IPO5: variants seen among roughly 807,000 people sequenced by gnomAD.
The protein encoded by IPO5 is importin-5.
IPO5 carries 18 observed loss-of-function variants against 143.3 expected under a neutral mutation model. The observed-to-expected ratio is 0.13, with a 90% CI of 0.09 to 0.19. IPO5 has a LOEUF of 0.19. Among genes scored for constraint, IPO5 ranks in the 10% least tolerant of loss-of-function variants. IPO5 has a pLI of 1.00. For missense variants in IPO5, 1,013 were observed against 1,336.9 expected (o/e 0.76, Z 3.78); for synonymous variants, 477 against 465.7 (o/e 1.02, Z -0.31).
intron 2 of IPO5, among the ~76,000 whole-genome samples, 183 bp downstream of exon 2, chr13:97,954,381 T>C (rs1428620024): frequency 6.6e-6 from 1 of 152,238 alleles, no homozygotes; most frequent in Non-Finnish European, 1.5e-5. Context: ...CTACCCTGCT[T>C]TCCTATAGGG....
At position 98,000,748 on chromosome 13, in the gene IPO5, T is replaced by A. The variant is rs1888700097; in HGVS notation, c.1108+103T>A. ...TGTTAAAAATTAATCTTTGTCTTTTTATCATCCATATTTAACCCAATTCAT... is the reference window on the plus strand; with the variant it reads ...TGTTAAAAATTAATCTTTGTCTTTTAATCATCCATATTTAACCCAATTCAT... On this transcript the variant is annotated intron_variant, in intron 13 of 28. Transcript: ENST00000651721. 4 of 746,112 alleles carry A rather than the reference T, an allele frequency of 5.4e-6. No individual in the cohort carries two copies. In the Admixed American group the frequency reaches 6.7e-5, roughly 13 times the overall value. 46.2% of individuals were successfully genotyped at this position (746,112 alleles called of 1,614,324 possible). A position where few individuals can be genotyped will look rare whatever the true frequency, so the allele number is the denominator to read the frequency against.
intron 20 of IPO5, among the ~76,000 whole-genome samples, chr13:98,011,541 C>CT (rs1889720010): frequency 1.3e-5 from 2 of 151,828 alleles, no homozygotes; most frequent in African/African-American, 4.8e-5. Context: ...CCGTCTAACT[C>CT]TGTCAGCCAG....
chr13:97,981,909 A>T (rs1886877670), intron 4 of IPO5: 1 of 152,690 alleles, frequency 6.5e-6, no homozygotes, highest in Admixed American at 6.5e-5. Context: ...TTGCTAATAG[A>T]TCTACAAAAG....
intron 25 of IPO5, among the ~76,000 whole-genome samples, chr13:98,017,947 G>A (rs1428952426): frequency 2.6e-5 from 4 of 152,080 alleles, no homozygotes; most frequent in East Asian, 1.9e-4. Flanking sequence ...GATTACAGGC[G>A]TGAGCCACCT....
At chr13:97,965,732 CTTG>C (rs1219422224) in intron 2 of IPO5, among the ~76,000 whole-genome samples, 2 of 149,142 alleles carry the variant, frequency 1.3e-5, no homozygotes, top group Non-Finnish European at 3.0e-5. Context: ...CCTTGCTGAA[CTTG>C]TTTTGTTTGT....
At chr13:97,992,390 A>G (rs567448329) in intron 9 of IPO5, among the ~76,000 whole-genome samples, 1 of 152,212 alleles carries the variant, frequency 6.6e-6, no homozygotes, top group Non-Finnish European at 1.5e-5. Context: ...TACTATGCGT[A>G]TGAGAAAAAC....
At chr13:98,010,636 T>C (rs1346957811) in intron 20 of IPO5, among the ~76,000 whole-genome samples, 1 of 152,152 alleles carries the variant, frequency 6.6e-6, no homozygotes. Context: ...ATGATTTCAA[T>C]TGTGTAAAAA....
chr13:98,018,341 A>G, intron 25 of IPO5, 144 bp from the exon 26 acceptor site: 2 of 629,820 alleles, frequency 3.2e-6, no homozygotes, highest in South Asian at 4.2e-5. Context: ...ATCGTTGGTC[A>G]CAAGAAGTGG....
chr13:98,001,382 G>T (rs1037726785), intron 13 of IPO5, among the ~76,000 whole-genome samples: 9 of 152,124 alleles, frequency 5.9e-5, no homozygotes, highest in African/African-American at 2.2e-4. Flanking sequence ...GTTGCCCAGG[G>T]TAATGTGATC....
rs146357732 is a variant in IPO5 at position 97,960,806 on chromosome 13, G to A, written c.-113+6608G>A. Among the ~76,000 whole-genome samples the A allele has an allele frequency of 5.8e-3, 886 of 152,142 alleles. 10 individuals are homozygous for A. Among genetic ancestry groups the A allele is most frequent in the African/African-American group, 0.02 (826 of 41,512 alleles). On this transcript the variant is annotated intron_variant, in intron 2 of 28. Transcript: ENST00000651721. ...ACTCCTGACCTCAGGTGATCCACTC[G>A]CCTGAGCCTCCCAAAGTGCTGGGAT... is the stretch of plus-strand genomic sequence containing the variant.
chr13:97,981,976 AGG>A (rs1181983069), intron 4 of IPO5: 1 of 153,070 alleles, frequency 6.5e-6, no homozygotes, highest in Non-Finnish European at 1.5e-5. Context: ...CTATGTAGTA[AGG>A]TTTTAGTATG....
chr13:97,966,586 C>T (rs1356960578), intron 2 of IPO5, among the ~76,000 whole-genome samples: 2 of 152,068 alleles, frequency 1.3e-5, no homozygotes, highest in African/African-American at 2.4e-5. Context: ...TTTTTGGCAG[C>T]AGGGCACAAC....
chr13:98,017,610 T>C (rs994274189), intron 25 of IPO5, among the ~76,000 whole-genome samples: 11 of 151,974 alleles, frequency 7.2e-5, no homozygotes, highest in African/African-American at 2.7e-4. Context: ...ACGCTTCCTA[T>C]TTTAAAGCAG....
chr13:98,009,869 A>T lies in IPO5; in HGVS notation c.1801-12A>T. On this transcript the variant is annotated splice_polypyrimidine_tract_variant and intron_variant, in intron 18 of 28. Coordinates refer to ENST00000651721, the MANE Select transcript of IPO5 (RefSeq NM_002271.6). ...TTTTTTAATCTATTTTAATTTTAAA[A>T]TTTTTCCCCAGATCTCTTACATGAT... is the stretch of plus-strand genomic sequence containing the variant. The T allele has an allele frequency of 9.6e-6, 15 of 1,560,470 alleles. No homozygotes were observed. Among genetic ancestry groups the T allele is most frequent in the Non-Finnish European group, 1.3e-5 (15 of 1,152,978 alleles).
chr13:97,955,858 G>T (rs958511216), intron 2 of IPO5, among the ~76,000 whole-genome samples: 3 of 152,120 alleles, frequency 2.0e-5, no homozygotes, highest in Non-Finnish European at 4.4e-5. Context: ...TTGGCCAGGC[G>T]CAGTGGCTCA....
Position 97,990,217 on chromosome 13 carries a change from C to G in IPO5, c.559C>G (p.Pro187Ala). Reference sequence around the variant, plus strand: ...TCAGTGTATGCAAGATCAGGAACACCCGTCGGTAAATAATTTCAATCCTAT... The same window carrying G: ...TCAGTGTATGCAAGATCAGGAACACGCGTCGGTAAATAATTTCAATCCTAT... ...LVQCMQDQEH[P>A]SIRTLSARAT... The change falls in exon 8 of 29, where the codon CCG becomes GCG. Residue 187 changes from proline (P) to alanine (A), a missense_variant. Physicochemically the swap from Pro to Ala is conservative, Grantham distance 27. Around this residue, in one of 2 missense-constraint regions of IPO5, gnomAD observed 328 missense variants for 342.0 expected, o/e 0.96. Transcript: ENST00000651721. The G allele has an allele frequency of 2.5e-6, 4 of 1,590,712 alleles. No individual in the cohort carries two copies. The highest frequency in any genetic ancestry group is 3.4e-6 in the Non-Finnish European group (4 of 1,159,748).
In IPO5 at chr13:97,992,949, A is replaced by G. The variant is rs761075755; in HGVS notation, c.727A>G (p.Ile243Val). The change falls in exon 10 of 29, where the codon ATT becomes GTT. Residue 243 changes from isoleucine to valine, a missense_variant. This residue lies in a region of IPO5 where 328 missense variants were observed against 342.0 expected (regional missense o/e 0.96). Transcript: ENST00000651721. ...TTCTGTCCTAAAATCCCTCGTTGAG[A>G]TTGCAGATACTGTTCCAAAGTATTT... Reference protein sequence around the residue: ...DDSVLKSLVEIADTVPKYLRP... With the variant: ...DDSVLKSLVEVADTVPKYLRP... 45 of 1,613,758 alleles carry G rather than the reference A, an allele frequency of 2.8e-5. No individual in the cohort carries two copies. Among genetic ancestry groups the G allele is most frequent in the Middle Eastern group, 1.6e-4 (1 of 6,084 alleles).
rs144080276 is a variant in IPO5, at chr13:97,977,239, C to T, written c.90+453C>T. Reference sequence around the variant, plus strand: ...CTGGCTGCTACCTGACCCGTCACGCCTGCTTCTACCCCTGCTCATCTCCCA... The same window carrying T: ...CTGGCTGCTACCTGACCCGTCACGCTTGCTTCTACCCCTGCTCATCTCCCA... On this transcript the variant is annotated intron_variant, in intron 4 of 28. Coordinates refer to ENST00000651721, the MANE Select transcript of IPO5 (RefSeq NM_002271.6). Among the ~76,000 whole-genome samples the T allele has an allele frequency of 4.6e-4, 70 of 152,342 alleles. 1 individual carries two copies. In the East Asian group the frequency reaches 0.013, roughly 29 times the overall value.
At chr13:97,993,384 G>C (rs1309396914) in intron 11 of IPO5, among the ~76,000 whole-genome samples, 159 bp downstream of exon 11, 1 of 152,188 alleles carries the variant, frequency 6.6e-6, no homozygotes, top group Non-Finnish European at 1.5e-5. Flanking sequence ...ATGCAAGCGT[G>C]GACCCCCACA....
Sources: allele counts gnomAD v4.1 joint callset (sites outside exome capture counted in the v4.1 genomes callset), GRCh38; gene constraint gnomAD v4.1.1; regional missense constraint gnomAD v4.1.1; transcripts MANE v1.5; gene names NCBI Gene and HGNC (gene_info 2026-07-23, HGNC 2026-07-21).